The following CACNA2D3 variants were observed in gnomAD, a reference collection of about 807,000 sequenced individuals.
CACNA2D3 encodes calcium voltage-gated channel auxiliary subunit alpha2delta 3, also known as voltage-dependent calcium channel subunit alpha-2/delta-3.
In CACNA2D3, 60 loss-of-function variants were observed where a neutral mutation model predicts 160.6. The observed-to-expected ratio is 0.37, with a 90% CI of 0.30 to 0.46. CACNA2D3 has a LOEUF of 0.46. Among genes scored for constraint, CACNA2D3 ranks in the 20% least tolerant of loss-of-function variants. CACNA2D3 has a pLI of 1.00. For synonymous variants in CACNA2D3, 558 were observed against 492.9 expected (o/e 1.13, Z -1.75); for missense variants, 1,205 against 1,365.0 (o/e 0.88, Z 1.85).
At chr3:55,026,368 G>A (rs2107170492) in intron 35 of CACNA2D3, among the ~76,000 whole-genome samples, 1 of 152,288 alleles carries the variant, frequency 6.6e-6, no homozygotes, top group Non-Finnish European at 1.5e-5. Context: ...TCATCTGCTT[G>A]CATCCCAGAC....
At position 54,988,233 on chromosome 3, in the gene CACNA2D3, G is replaced by T. The variant is rs570215799; in HGVS notation, c.2690+480G>T. Among the ~76,000 whole-genome samples, 4 of 152,190 alleles carry T rather than the reference G, an allele frequency of 2.6e-5. No individual in the cohort carries two copies. In the East Asian group the frequency reaches 7.7e-4, roughly 29 times the overall value. On this transcript the variant is annotated intron_variant, in intron 31 of 37. Transcript: ENST00000474759. ...TTCTCAAAATCCGCTCTTGATGGAG[G>T]TAAGTTTAAGTCTGCTTCTGGAAGA...
At chr3:54,195,494 C>A (rs1701062053) in intron 2 of CACNA2D3, among the ~76,000 whole-genome samples, 1 of 150,926 alleles carries the variant, frequency 6.6e-6, no homozygotes, top group Non-Finnish European at 1.5e-5. Context: ...GTGTGGTGGT[C>A]AAAACTTTTA....
chr3:54,270,456 C>T (rs548377638), intron 2 of CACNA2D3, among the ~76,000 whole-genome samples: 2 of 152,312 alleles, frequency 1.3e-5, no homozygotes, highest in Admixed American at 6.5e-5. Flanking sequence ...AAGATGTTGA[C>T]GGTCTTCATT....
intron 4 of CACNA2D3, among the ~76,000 whole-genome samples, chr3:54,447,304 G>T (rs1474357314): frequency 6.6e-6 from 1 of 152,274 alleles, no homozygotes; most frequent in Admixed American, 6.5e-5. Flanking sequence ...AATTGAGAAT[G>T]TATGAAAAGA....
At chr3:54,557,558 T>A (rs778265503) in intron 5 of CACNA2D3, among the ~76,000 whole-genome samples, 3 of 152,188 alleles carry the variant, frequency 2.0e-5, no homozygotes, top group Admixed American at 6.5e-5. Flanking sequence ...GACAGTGAGC[T>A]AAGGAAATGG....
intron 4 of CACNA2D3, among the ~76,000 whole-genome samples, chr3:54,456,875 G>A (rs1406425565): frequency 1.3e-5 from 2 of 151,766 alleles, no homozygotes; most frequent in Non-Finnish European, 2.9e-5. Flanking sequence ...GGGTTTTCCA[G>A]TTTTTTGGCC....
chr3:54,381,774 T>C (rs1699106860), intron 3 of CACNA2D3, among the ~76,000 whole-genome samples: 1 of 152,230 alleles, frequency 6.6e-6, no homozygotes, highest in Admixed American at 6.5e-5. Flanking sequence ...ACCAAAGCTG[T>C]AAATACTATC....
intron 2 of CACNA2D3, among the ~76,000 whole-genome samples, chr3:54,171,107 G>A (rs1700556411): frequency 9.0e-6 from 1 of 111,706 alleles, no homozygotes; most frequent in East Asian, 3.6e-4. Context: ...AGTTTCATGA[G>A]CCTTCTGTTT....
chr3:54,123,672 C>A, intron 2 of CACNA2D3, 78 bp downstream of exon 2: 1 of 1,168,024 alleles, frequency 8.6e-7, no homozygotes, highest in Non-Finnish European at 1.3e-6. Context: ...TCCAAACAAA[C>A]GTGAGCCCCG....
intron 2 of CACNA2D3, among the ~76,000 whole-genome samples, chr3:54,182,009 T>A (rs999433261): frequency 1.3e-5 from 2 of 152,200 alleles, no homozygotes; most frequent in South Asian, 4.1e-4. Flanking sequence ...TCTAGTGGGC[T>A]TGAAATGTCG....
chr3:54,317,027 G>A (rs908766569), intron 2 of CACNA2D3, among the ~76,000 whole-genome samples: 39 of 152,226 alleles, frequency 2.6e-4, no homozygotes, highest in East Asian at 5.8e-4. Flanking sequence ...CATTAGTTTC[G>A]TTTGTTTTAC....
chr3:54,589,158 T>C (rs1702814315), intron 9 of CACNA2D3, among the ~76,000 whole-genome samples: 1 of 152,052 alleles, frequency 6.6e-6, no homozygotes. Context: ...AATGTGGCAT[T>C]AGAAGAGAAA....
At chr3:54,516,436 T>G (rs1701552963) in intron 5 of CACNA2D3, among the ~76,000 whole-genome samples, 1 of 152,196 alleles carries the variant, frequency 6.6e-6, no homozygotes, top group Non-Finnish European at 1.5e-5. Context: ...GGTAGAACAA[T>G]TCTGGAGTGG....
intron 9 of CACNA2D3, among the ~76,000 whole-genome samples, chr3:54,600,754 C>G (rs1037301253): frequency 1.3e-5 from 2 of 152,092 alleles, no homozygotes; most frequent in African/African-American, 4.8e-5. Flanking sequence ...CTCCTGCGCT[C>G]TGGCTTCATT....
At chr3:54,856,395 T>C (rs1699171125) in intron 17 of CACNA2D3, among the ~76,000 whole-genome samples, 1 of 152,156 alleles carries the variant, frequency 6.6e-6, no homozygotes, top group Non-Finnish European at 1.5e-5. Context: ...TCAGATAACA[T>C]GGATGAGTTA....
intron 11 of CACNA2D3, among the ~76,000 whole-genome samples, chr3:54,695,491 T>G (rs1182193680): frequency 6.6e-6 from 1 of 152,120 alleles, no homozygotes; most frequent in Non-Finnish European, 1.5e-5. Context: ...ACGAGTATTT[T>G]AAAGCTATGG....
chr3:54,811,523 C>A (rs200107368), intron 13 of CACNA2D3, among the ~76,000 whole-genome samples: 2 of 119,740 alleles, frequency 1.7e-5, no homozygotes, highest in African/African-American at 6.2e-5. Flanking sequence ...TTTGAGACAG[C>A]ATCTCACTCT....
At chr3:54,122,918 G>A (rs1040681003) in intron 1 of CACNA2D3, 83 bp downstream of exon 1, 24 of 1,158,004 alleles carry the variant, frequency 2.1e-5, no homozygotes, top group Non-Finnish European at 2.4e-5. Flanking sequence ...GCCTGCAGGT[G>A]CGGCTGGGCA....
At chr3:54,872,295 C>G (rs1177575) in intron 18 of CACNA2D3, among the ~76,000 whole-genome samples, 95,768 of 151,962 alleles carry the variant, frequency 0.63, 31,273 homozygotes, top group East Asian at 0.86. Flanking sequence ...AATCAGATTT[C>G]TTAGACACGG....
Sources: gnomAD v4.1 joint callset for allele counts (sites outside exome capture counted in the v4.1 genomes callset) on GRCh38, gnomAD v4.1.1 for gene constraint, MANE v1.5 for transcripts, NCBI Gene and HGNC (gene_info 2026-07-23, HGNC 2026-07-21) for gene names.